FMN1: variants seen among roughly 807,000 people sequenced by gnomAD.
The protein encoded by FMN1 is formin-1.
In FMN1, 110 loss-of-function variants were observed where a neutral mutation model predicts 132.4. That is an observed-to-expected ratio of 0.83 (90% CI 0.71 to 0.97). The LOEUF is 0.97. Among genes scored for constraint, FMN1 ranks in the 50% least tolerant of loss-of-function variants. The pLI is 0.00. For synonymous variants in FMN1, 722 were observed against 651.7 expected (o/e 1.11, Z -1.64); for missense variants, 1,792 against 1,705.3 (o/e 1.05, Z -0.90).
intron 5 of FMN1, among the ~76,000 whole-genome samples, chr15:33,084,014 A>C (rs2038592470): frequency 6.6e-6 from 1 of 152,170 alleles, no homozygotes; most frequent in Non-Finnish European, 1.5e-5. Context: ...ATATGGTCTA[A>C]AAAGGGGAGG....
At chr15:33,123,788 T>C (rs1555404738) in intron 4 of FMN1, among the ~76,000 whole-genome samples, 1 of 152,228 alleles carries the variant, frequency 6.6e-6, no homozygotes, top group East Asian at 1.9e-4. Context: ...TAGAACTTCT[T>C]GTATTACAAG....
At chr15:33,123,052 C>A (rs1467845012) in intron 4 of FMN1, among the ~76,000 whole-genome samples, 1 of 151,396 alleles carries the variant, frequency 6.6e-6, no homozygotes, top group African/African-American at 2.4e-5. Context: ...AATAGGTTTA[C>A]AGCATCTCCA....
intron 15 of FMN1, among the ~76,000 whole-genome samples, chr15:32,893,389 C>T (rs1240425485): frequency 3.3e-5 from 5 of 151,634 alleles, no homozygotes; most frequent in Non-Finnish European, 7.3e-5. Flanking sequence ...TGTGCGCGCT[C>T]GTGCGCGCGC....
At chr15:32,880,993 A>G (rs1049327765) in intron 16 of FMN1, among the ~76,000 whole-genome samples, 8 of 152,162 alleles carry the variant, frequency 5.3e-5, no homozygotes, top group African/African-American at 1.9e-4. Flanking sequence ...GTTCAGTGCT[A>G]TTGTCAACAC....
chr15:33,056,542 ACT>A (rs2037224161), intron 6 of FMN1, among the ~76,000 whole-genome samples: 1 of 152,228 alleles, frequency 6.6e-6, no homozygotes. Context: ...AAACTCAGTG[ACT>A]GCCACAAGAG....
chr15:32,957,093 C>A (rs971230430), intron 9 of FMN1, among the ~76,000 whole-genome samples: 1 of 152,014 alleles, frequency 6.6e-6, no homozygotes, highest in Non-Finnish European at 1.5e-5. Flanking sequence ...TAAGAAATAT[C>A]TATTAAAAAG....
intron 9 of FMN1, among the ~76,000 whole-genome samples, chr15:32,928,330 A>G (rs376465711): frequency 2.7e-3 from 417 of 152,282 alleles, no homozygotes; most frequent in African/African-American, 9.0e-3. Context: ...AAAAGCAAAA[A>G]AAAAAGGCAA....
chr15:32,994,232 T>TCTCTCTCTCTCACA (rs904998781), intron 7 of FMN1, among the ~76,000 whole-genome samples: 50 of 37,198 alleles, frequency 1.3e-3, no homozygotes, highest in African/African-American at 2.6e-3. Flanking sequence ...TCTCTCTCTC[T>TCTCTCTCTCTCACA]CACACACACA....
At chr15:33,179,835 A>G (rs1210750207) in intron 3 of FMN1, among the ~76,000 whole-genome samples, 1 of 152,240 alleles carries the variant, frequency 6.6e-6, no homozygotes, top group African/African-American at 2.4e-5. Flanking sequence ...GCTATTTTTA[A>G]TAGGAATAGA....
intron 6 of FMN1, among the ~76,000 whole-genome samples, chr15:33,019,205 T>A (rs2035271556): frequency 6.6e-6 from 1 of 152,188 alleles, no homozygotes; most frequent in Admixed American, 6.5e-5. Context: ...TCACAATCCC[T>A]GAGCTAGACA....
intron 7 of FMN1, among the ~76,000 whole-genome samples, chr15:32,979,172 G>A (rs978193149): frequency 8.5e-5 from 13 of 152,066 alleles, no homozygotes; most frequent in African/African-American, 3.1e-4. Flanking sequence ...ATGCAAACAG[G>A]TTTTCATCAC....
At chr15:33,046,580 T>C (rs989887059) in intron 6 of FMN1, among the ~76,000 whole-genome samples, 3 of 152,136 alleles carry the variant, frequency 2.0e-5, no homozygotes, top group Non-Finnish European at 2.9e-5. Context: ...ACTTGCAAAA[T>C]TGAGGATGTT....
chr15:32,948,979 G>C (rs1345141630), intron 9 of FMN1, among the ~76,000 whole-genome samples: 1 of 151,460 alleles, frequency 6.6e-6, no homozygotes, highest in East Asian at 1.9e-4. Context: ...TATTTTTCTA[G>C]TTATTGATTT....
At chr15:33,061,817 G>GA (rs979055306) in intron 6 of FMN1, among the ~76,000 whole-genome samples, 3 of 151,494 alleles carry the variant, frequency 2.0e-5, no homozygotes, top group African/African-American at 4.8e-5. Context: ...TAGCAATTTA[G>GA]AAAAAAAAGT....
At chr15:33,082,483 C>T (rs1595433052) in intron 5 of FMN1, among the ~76,000 whole-genome samples, 1 of 152,190 alleles carries the variant, frequency 6.6e-6, no homozygotes, top group Non-Finnish European at 1.5e-5. Context: ...TTTCTACCCA[C>T]CCATGTCTTT....
chr15:33,073,008 A>G (rs2038058706), intron 5 of FMN1, among the ~76,000 whole-genome samples: 1 of 152,198 alleles, frequency 6.6e-6, no homozygotes, highest in Non-Finnish European at 1.5e-5. Context: ...AAGGCACATT[A>G]TCTCCTATAG....
At chr15:33,189,078 GA>G (rs749452927) in intron 2 of FMN1, among the ~76,000 whole-genome samples, 1 of 152,112 alleles carries the variant, frequency 6.6e-6, no homozygotes, top group Non-Finnish European at 1.5e-5. Flanking sequence ...GTGAAAATTA[GA>G]ATTAAATTGT....
chr15:33,175,563 C>A (rs994709702), intron 3 of FMN1, among the ~76,000 whole-genome samples: 3 of 152,162 alleles, frequency 2.0e-5, no homozygotes, highest in African/African-American at 7.2e-5. Flanking sequence ...TATCTCTTCC[C>A]ATTTCCTTTG....
At chr15:32,987,989 C>T (rs1381668112) in intron 7 of FMN1, among the ~76,000 whole-genome samples, 1 of 150,062 alleles carries the variant, frequency 6.7e-6, no homozygotes, top group Non-Finnish European at 1.5e-5. Flanking sequence ...TGCCTCGTTG[C>T]AGGTTTAGGA....
Sources: gnomAD v4.1 joint callset for allele counts (sites outside exome capture counted in the v4.1 genomes callset) on GRCh38, gnomAD v4.1.1 for gene constraint, MANE v1.5 for transcripts, NCBI Gene and HGNC (gene_info 2026-07-23, HGNC 2026-07-21) for gene names.